Variants in TMEM165 observed in about 807,000 individuals in gnomAD.
TMEM165 encodes transmembrane protein 165, also known as putative divalent cation/proton antiporter TMEM165.
Under a neutral mutation model 30.0 loss-of-function variants are expected in TMEM165, and 19 were observed. The observed-to-expected ratio is 0.63, with a 90% CI of 0.44 to 0.93. The LOEUF is 0.93. Ranked by LOEUF, TMEM165 falls within the 40% of genes least tolerant of loss-of-function variation. The pLI is 0.00. For missense variants in TMEM165, 340 were observed against 417.0 expected (o/e 0.82, Z 1.61); for synonymous variants, 168 against 162.9 (o/e 1.03, Z -0.24).
chr4:55,401,871 C>CT (rs1430110000), intron 1 of TMEM165, among the ~76,000 whole-genome samples: 1 of 150,156 alleles, frequency 6.7e-6, no homozygotes, highest in Non-Finnish European at 1.5e-5. Flanking sequence ...AATCCCTCCA[C>CT]TTTGGGAGGC....
chr4:55,443,849 T>C lies in TMEM165; in HGVS notation c.409-8390T>C, dbSNP rs779967403. Reference sequence around the variant, plus strand: ...TATTAGATGAATTTCCAGAAGAAAGTTGAACGGAACCAAAATTCAACCCAG... The same window carrying C: ...TATTAGATGAATTTCCAGAAGAAAGCTGAACGGAACCAAAATTCAACCCAG... On this transcript the variant is annotated intron_variant, in intron 3 of 3. Coordinates refer to the TMEM165 transcript ENST00000608091. 14 of 1,613,510 alleles carry C rather than the reference T, an allele frequency of 8.7e-6. No individual in the cohort carries two copies. The African/African-American group carries it at 1.6e-4, about 18-fold the overall frequency.
downstream of TMEM165, chr4:55,427,929 AGTCT>A (rs922623108): frequency 9.2e-5 from 14 of 152,350 alleles, no homozygotes; most frequent in African/African-American, 3.4e-4. Flanking sequence ...AATATTTAAT[AGTCT>A]TTCTTTAAAA....
rs956952239 is a variant in TMEM165 at position 55,444,543 on chromosome 4, G to A, written c.409-7696G>A. ...ACTGAATTGATAAAACGTATCTCTT[G>A]CATCTCACTTTTAATTAAGAAAAGT... is the stretch of plus-strand genomic sequence containing the variant. On this transcript the variant is annotated intron_variant, in intron 3 of 3. Coordinates refer to the TMEM165 transcript ENST00000608091. 4.1e-6 allele frequency: 6 copies of A among 1,455,266 alleles called. No individual in the cohort carries two copies. In the African/African-American group the frequency reaches 8.4e-5, roughly 20 times the overall value. 90.1% of individuals were successfully genotyped at this position (1,455,266 alleles called of 1,614,324 possible). A position where few individuals can be genotyped will look rare whatever the true frequency, so the allele number is the denominator to read the frequency against.
At chr4:55,417,375 G>A (rs984949266) in intron 3 of TMEM165, 128 bp downstream of exon 3, 1 of 941,508 alleles carries the variant, frequency 1.1e-6, no homozygotes, top group African/African-American at 1.7e-5. Context: ...CTTTTGCTTT[G>A]TTCTGTTCTT....
chr4:55,420,146 T>TTA (rs1721915268), intron 4 of TMEM165, among the ~76,000 whole-genome samples: 1 of 41,616 alleles, frequency 2.4e-5, no homozygotes, highest in Admixed American at 3.0e-4. Context: ...TATTTATTTA[T>TTA]TTTATTTATT....
At chr4:55,437,594 C>CATGT (rs1269533761) in intron 3 of TMEM165, among the ~76,000 whole-genome samples, 1 of 152,192 alleles carries the variant, frequency 6.6e-6, no homozygotes, top group Non-Finnish European at 1.5e-5. Flanking sequence ...AACAGCTAGC[C>CATGT]ATGTGCCTTG....
intron 3 of TMEM165, chr4:55,435,344 T>A: frequency 6.4e-7 from 1 of 1,566,904 alleles, no homozygotes; most frequent in Non-Finnish European, 8.8e-7. Context: ...CCTCCTTTCC[T>A]CAGGTCATCT....
chr4:55,416,546 C>T (rs1417018331), intron 2 of TMEM165, among the ~76,000 whole-genome samples: 1 of 151,964 alleles, frequency 6.6e-6, no homozygotes, highest in African/African-American at 2.4e-5. Context: ...TTTCATAAAA[C>T]GTACTTATTT....
downstream of TMEM165, chr4:55,429,886 C>G (rs928688831): frequency 6.6e-6 from 1 of 152,218 alleles, no homozygotes; most frequent in Non-Finnish European, 1.5e-5. Context: ...GGCCCCTCCA[C>G]TGCCGTCCTG....
In TMEM165 at chr4:55,442,344, T is replaced by C. The variant is rs1723435592; in HGVS notation, c.409-9895T>C. 5 of 1,172,692 alleles carry C rather than the reference T, an allele frequency of 4.3e-6. No individual in the cohort carries two copies. The Admixed American group carries it at 9.3e-5, about 22-fold the overall frequency. The allele number at this position is 1,172,692 out of a possible 1,614,324, so 72.6% of individuals were successfully genotyped here. ...CAGTGAGCATCTCATTAAAATCACA[T>C]TAAAAAATTTGATTAAGAAATCAAA... On this transcript the variant is annotated intron_variant, in intron 3 of 3. Transcript: ENST00000608091.
At chr4:55,448,632 G>GTGTA in intron 3 of TMEM165, 1 of 605,588 alleles carries the variant, frequency 1.7e-6, no homozygotes, top group Non-Finnish European at 3.0e-6. Context: ...GTGTGTGTGT[G>GTGTA]TGTGTGTGTG....
chr4:55,431,836 G>C (rs892451517), intron 3 of TMEM165: 1 of 152,168 alleles, frequency 6.6e-6, no homozygotes, highest in Non-Finnish European at 1.5e-5. Flanking sequence ...ATTTTCACTT[G>C]TCTGCGTAGA....
At chr4:55,420,802 T>C (rs1429381735) in intron 4 of TMEM165, among the ~76,000 whole-genome samples, 1 of 152,212 alleles carries the variant, frequency 6.6e-6, no homozygotes, top group African/African-American at 2.4e-5. Context: ...CTAGTGTCCT[T>C]TGAGACTTGA....
In TMEM165 at chr4:55,401,058, T is replaced by C. The variant is rs1370680084; in HGVS notation, c.207+4662T>C. ...CTGTGTGAGAGTGGGCTTCTGAAAA[T>C]GGAGGGGGGAAGCATCTCTCCTTGG... On this transcript the variant is annotated intron_variant, in intron 1 of 5. Coordinates refer to ENST00000381334, the MANE Select transcript of TMEM165 (RefSeq NM_018475.5). Among the ~76,000 whole-genome samples, 7 of 150,410 alleles carry C rather than the reference T, an allele frequency of 4.7e-5. 1 individual carries two copies. The highest frequency in any genetic ancestry group is 1.5e-4 in the African/African-American group (6 of 39,808).
intron 4 of TMEM165, among the ~76,000 whole-genome samples, chr4:55,421,996 G>A (rs1721995484): frequency 6.6e-6 from 1 of 152,132 alleles, no homozygotes. Flanking sequence ...ACTTGGCTGT[G>A]ATGGGAATAA....
At position 55,396,132 on chromosome 4, in the gene TMEM165, T is replaced by C. The variant is rs1720709749; in HGVS notation, c.-58T>C. ...CGCGGAGGCTGTTCGGGGTCGAGGC[T>C]TCCCGTCGCCGGCACTTCCTCTTGC... On this transcript the variant is annotated 5_prime_UTR_variant, in exon 1 of 6. Transcript: ENST00000381334. The C allele has an allele frequency of 2.3e-6, 3 of 1,303,764 alleles. No homozygotes were observed. Among genetic ancestry groups the C allele is most frequent in the Admixed American group, 4.2e-5 (1 of 23,560 alleles). 80.8% of individuals were successfully genotyped at this position (1,303,764 alleles called of 1,614,324 possible).
chr4:55,403,224 G>GT lies in TMEM165; in HGVS notation c.207+6835dup, dbSNP rs769746141. Reference sequence around the variant, plus strand: ...TAACTTATTGAGCAACTTTGTTTCTGTTTTTTTGCAGGGACATCAGTTTTT... The same window carrying GT: ...TAACTTATTGAGCAACTTTGTTTCTGTTTTTTTTGCAGGGACATCAGTTTTT... On this transcript the variant is annotated intron_variant, in intron 1 of 5. Coordinates refer to ENST00000381334, the MANE Select transcript of TMEM165 (RefSeq NM_018475.5). 12 of 1,282,790 alleles carry GT rather than the reference G, an allele frequency of 9.4e-6. No individual in the cohort carries two copies. In the South Asian group the frequency reaches 1.1e-4, roughly 12 times the overall value. 79.5% of individuals were successfully genotyped at this position (1,282,790 alleles called of 1,614,324 possible).
At chr4:55,420,795 G>T (rs1721943260) in intron 4 of TMEM165, among the ~76,000 whole-genome samples, 1 of 152,310 alleles carries the variant, frequency 6.6e-6, no homozygotes, top group South Asian at 2.1e-4. Flanking sequence ...CATAATCCTA[G>T]TGTCCTTTGA....
chr4:55,446,946 T>C (rs959568208), intron 3 of TMEM165, among the ~76,000 whole-genome samples: 21 of 152,296 alleles, frequency 1.4e-4, no homozygotes, highest in Middle Eastern at 3.4e-3. Context: ...GCACACAACT[T>C]TGATTTCAGA....
Sources: allele counts gnomAD v4.1 joint callset (sites outside exome capture counted in the v4.1 genomes callset), GRCh38; gene constraint gnomAD v4.1.1; transcripts MANE v1.5; gene names NCBI Gene and HGNC (gene_info 2026-07-23, HGNC 2026-07-21).